RNF216: variants seen among roughly 807,000 people sequenced by gnomAD.
RNF216 encodes the protein E3 ubiquitin-protein ligase RNF216.
Under a neutral mutation model 110.8 loss-of-function variants are expected in RNF216, and 72 were observed. The ratio of observed to expected loss-of-function variants is 0.65; its 90% CI spans 0.54 to 0.79. RNF216 has a LOEUF of 0.79. Ranked by LOEUF, RNF216 falls within the 30% of genes least tolerant of loss-of-function variation. The pLI is 0.00. For synonymous variants in RNF216, 495 were observed against 407.5 expected (o/e 1.21, Z -2.59); for missense variants, 1,342 against 1,141.2 (o/e 1.18, Z -2.54).
intron 3 of RNF216, among the ~76,000 whole-genome samples, chr7:5,750,232 CTG>C (rs918329978): frequency 7.2e-5 from 11 of 152,320 alleles, no homozygotes; most frequent in African/African-American, 2.6e-4. Flanking sequence ...GTGAGTAAAT[CTG>C]TCTCTTCCTG....
intron 13 of RNF216, among the ~76,000 whole-genome samples, chr7:5,705,755 A>G (rs1792237690): frequency 6.6e-6 from 1 of 152,060 alleles, no homozygotes; most frequent in African/African-American, 2.4e-5. Context: ...CAAAAATACA[A>G]CATTAGCCGG....
chr7:5,630,252 C>T lies in RNF216; in HGVS notation c.2383-6127G>A, dbSNP rs534265630. ...TGGCTTCTTCAAGAGAGGCTGCTGG[C>T]GTCACGGGAAGAACTACAACTCTGG... On this transcript the variant is annotated intron_variant, in intron 15 of 16. Transcript: ENST00000389902. Among the ~76,000 whole-genome samples, 8 of 152,196 alleles carry T rather than the reference C, an allele frequency of 5.3e-5. No homozygotes were observed. In the South Asian group the frequency reaches 1.0e-3, roughly 20 times the overall value.
chr7:5,679,549 C>T (rs1037089030), intron 13 of RNF216, among the ~76,000 whole-genome samples: 1 of 152,198 alleles, frequency 6.6e-6, no homozygotes, highest in Admixed American at 6.5e-5. Flanking sequence ...GAGGGTCCTC[C>T]CTGCCTCACA....
chr7:5,706,313 T>C (rs529517279), intron 13 of RNF216, among the ~76,000 whole-genome samples: 2 of 151,860 alleles, frequency 1.3e-5, no homozygotes, highest in East Asian at 1.9e-4. Context: ...GTTAGCAAAA[T>C]GTTGTACAGC....
chr7:5,632,791 G>A lies in RNF216; in HGVS notation c.2382+8363C>T, dbSNP rs866645378. Among the ~76,000 whole-genome samples the A allele has an allele frequency of 1.3e-4, 19 of 151,982 alleles. No homozygotes were observed. The Middle Eastern group carries it at 0.01, about 82-fold the overall frequency. ...AAACTCCATCTCCAAAAAACAAAACGAAGCCCTCCAGTGCCCCATCGCTAC... is the reference window on the plus strand; with the variant it reads ...AAACTCCATCTCCAAAAAACAAAACAAAGCCCTCCAGTGCCCCATCGCTAC... On this transcript the variant is annotated intron_variant, in intron 15 of 16. Transcript: ENST00000389902.
chr7:5,760,450 A>C (rs756531130), intron 2 of RNF216: 8 of 390,990 alleles, frequency 2.0e-5, no homozygotes, highest in South Asian at 1.5e-4. Flanking sequence ...CAGGAGGCGG[A>C]GCTCGTGGTG....
intron 16 of RNF216, among the ~76,000 whole-genome samples, chr7:5,623,853 C>G (rs893291563): frequency 6.6e-6 from 1 of 152,116 alleles, no homozygotes; most frequent in Admixed American, 6.6e-5. Flanking sequence ...AAGGAGATGC[C>G]AAAACTATAT....
At chr7:5,627,807 C>T (rs549357457) in intron 15 of RNF216, among the ~76,000 whole-genome samples, 2 of 151,636 alleles carry the variant, frequency 1.3e-5, no homozygotes, top group South Asian at 2.1e-4. Context: ...CCTGATAAAA[C>T]ACGAGGGACA....
In RNF216 at chr7:5,635,264, T is replaced by C. The variant is rs377554033; in HGVS notation, c.2382+5890A>G. The stretch of plus-strand genomic sequence containing the variant: ...GAGGTCAGTTTTGATGACAGATCAA[T>C]GATCACACCCACCCCACTAACTTCA... On this transcript the variant is annotated intron_variant, in intron 15 of 16. Transcript: ENST00000389902. Among the ~76,000 whole-genome samples, 46 of 150,904 alleles carry C rather than the reference T, an allele frequency of 3.0e-4. 3 individuals carry two copies. The East Asian group carries it at 5.1e-3, about 17-fold the overall frequency.
At chr7:5,721,209 A>T (rs370069485) in intron 8 of RNF216, 37 bp from the exon 9 acceptor site, 1 of 1,603,792 alleles carries the variant, frequency 6.2e-7, no homozygotes, top group African/African-American at 1.3e-5. Flanking sequence ...CATGCAGACA[A>T]CTATGTGTTA....
rs909245114 is a variant in RNF216, at chr7:5,671,829, A to G, written c.2062-19319T>C. On this transcript the variant is annotated intron_variant, in intron 13 of 16. Coordinates refer to ENST00000389902, the MANE Select transcript of RNF216 (RefSeq NM_207111.4). ...TCAAAAAAAAAAAAAAAAAAAAAAA[A>G]GGACAGAGAGAGACACCAGAGGAGT... Among the ~76,000 whole-genome samples, 8 of 144,996 alleles carry G rather than the reference A, an allele frequency of 5.5e-5. No individual in the cohort carries two copies. In the East Asian group the frequency reaches 1.5e-3, roughly 28 times the overall value.
intron 15 of RNF216, among the ~76,000 whole-genome samples, chr7:5,634,053 C>T (rs1321450950): frequency 2.0e-5 from 3 of 152,232 alleles, no homozygotes; most frequent in African/African-American, 2.4e-5. Flanking sequence ...TCAGCAGCCA[C>T]AGGCTGACTG....
chr7:5,675,958 C>T (rs1241011845), intron 13 of RNF216, among the ~76,000 whole-genome samples: 1 of 151,942 alleles, frequency 6.6e-6, no homozygotes, highest in Non-Finnish European at 1.5e-5. Flanking sequence ...ATCCGCCCAC[C>T]TCAGCCTTCC....
At chr7:5,780,232 C>T (rs1797006115) in intron 1 of RNF216, 2 of 152,192 alleles carry the variant, frequency 1.3e-5, no homozygotes, top group African/African-American at 2.4e-5. Flanking sequence ...GAAGAAACCC[C>T]ATTTTTGAGG....
At chr7:5,640,780 C>G (rs1226799964) in intron 15 of RNF216, among the ~76,000 whole-genome samples, 1 of 152,178 alleles carries the variant, frequency 6.6e-6, no homozygotes, top group East Asian at 1.9e-4. Flanking sequence ...ATAAGTGAGT[C>G]TCATAAGAAA....
intron 14 of RNF216, chr7:5,649,915 A>C (rs888330896): frequency 2.0e-5 from 3 of 152,232 alleles, no homozygotes; most frequent in Non-Finnish European, 2.9e-5. Flanking sequence ...TAATCAGAGA[A>C]CACCAGCAGC....
At chr7:5,749,312 G>A (rs1367778644) in intron 3 of RNF216, among the ~76,000 whole-genome samples, 1 of 151,918 alleles carries the variant, frequency 6.6e-6, no homozygotes, top group Non-Finnish European at 1.5e-5. Context: ...CACCATGCCT[G>A]GTTAATTTTT....
intron 1 of RNF216, among the ~76,000 whole-genome samples, chr7:5,778,382 C>G (rs1796896927): frequency 6.6e-6 from 1 of 152,130 alleles, no homozygotes; most frequent in Non-Finnish European, 1.5e-5. Flanking sequence ...CCTGATTATC[C>G]CCTAGATGTT....
chr7:5,633,259 G>A (rs765147542), intron 15 of RNF216, among the ~76,000 whole-genome samples: 3 of 151,888 alleles, frequency 2.0e-5, no homozygotes, highest in Admixed American at 6.5e-5. Flanking sequence ...TTACAGGTGT[G>A]AGCCACTGCG....
Sources: allele counts gnomAD v4.1 joint callset (sites outside exome capture counted in the v4.1 genomes callset), GRCh38; gene constraint gnomAD v4.1.1; transcripts MANE v1.5; gene names NCBI Gene and HGNC (gene_info 2026-07-23, HGNC 2026-07-21).